GDF5: variants seen among roughly 807,000 people sequenced by gnomAD.
GDF5 encodes growth/differentiation factor 5.
GDF5 carries 17 observed loss-of-function variants against 34.6 expected under a neutral mutation model. That is an observed-to-expected ratio of 0.49 (90% confidence interval 0.34 to 0.74). The LOEUF (loss-of-function observed/expected upper bound fraction) is 0.74. Among genes scored for constraint, GDF5 ranks in the 30% least tolerant of loss-of-function variants. The pLI, the probability that GDF5 is intolerant of heterozygous loss-of-function variation, is 0.01. For missense variants in GDF5, 616 were observed against 661.2 expected, an observed-to-expected ratio of 0.93 and a Z score of 0.75; for synonymous variants, 332 against 290.7, an observed-to-expected ratio of 1.14 and a Z score of -1.44.
chr20:35,437,417 T>C lies in GDF5; in HGVS notation c.512A>G (p.Glu171Gly). The C allele has an allele frequency of 6.2e-7, 1 of 1,613,492 alleles. No homozygotes were observed. Among genetic ancestry groups the C allele is most frequent in the Non-Finnish European group, 8.5e-7 (1 of 1,179,452 alleles). The stretch of plus-strand genomic sequence containing the variant: ...CGTCCTGTACAGCGAGAGCATGTAC[T>C]CGTGGGGTGTGATGGGGGGTGGGCG... ...PFRPPPITPHEYMLSLYRTLS... is the reference protein window; with the variant it reads ...PFRPPPITPHGYMLSLYRTLS... Residue 171 changes from glutamate (E) to glycine (G), a missense_variant, in exon 1 of 2, where the codon GAG becomes GGG. Physicochemically the swap from Glu to Gly is moderately conservative, Grantham distance 98. Coordinates refer to ENST00000374369, the MANE Select transcript of GDF5 (RefSeq NM_000557.5).
intron 1 of GDF5, among the ~76,000 whole-genome samples, chr20:35,451,060 A>G (rs892143955): frequency 4.4e-5 from 3 of 68,936 alleles, no homozygotes; most frequent in African/African-American, 2.2e-4. Context: ...AAAAAAAAAA[A>G]AAAAATATAT....
Position 35,437,836 on chromosome 20 carries a change from C to T in GDF5, c.93G>A (p.Leu31=). The T allele has an allele frequency of 6.2e-7, 1 of 1,613,970 alleles. No homozygotes were observed. Among genetic ancestry groups the T allele is most frequent in the Non-Finnish European group, 8.5e-7 (1 of 1,179,958 alleles). Reference sequence around the variant, plus strand: ...GCCTGGTCCCCTGGGGTCTCTGGCCCAAGTCAGGGGCACCCAACACAGTGC... The same window carrying T: ...GCCTGGTCCCCTGGGGTCTCTGGCCTAAGTCAGGGGCACCCAACACAGTGC... ...FICTVLGAPD[L]GQRPQGTRPG... is the part of the protein sequence containing the mutation. Residue 31 remains leucine, a synonymous_variant, in exon 1 of 2, where the codon TTG becomes TTA. Transcript: ENST00000374369.
Position 35,437,441 on chromosome 20 carries a change from C to A in GDF5, c.488G>T (p.Arg163Leu). The change falls in exon 1 of 2, where the codon CGC becomes CTC. Residue 163 changes from arginine to leucine, a missense_variant. Transcript: ENST00000374369. ...GPPREPKEPFRPPPITPHEYM... is the reference protein window; with the variant it reads ...GPPREPKEPFLPPPITPHEYM... ...CTCGTGGGGTGTGATGGGGGGTGGG[C>A]GAAACGGCTCCTTGGGCTCTCGTGG... 1 of 1,613,940 alleles carries A rather than the reference C, an allele frequency of 6.2e-7. No individual in the cohort carries two copies. Among genetic ancestry groups the A allele is most frequent in the Non-Finnish European group, 8.5e-7 (1 of 1,179,898 alleles).
intron 1 of GDF5, among the ~76,000 whole-genome samples, chr20:35,445,746 G>A (rs1047553120): frequency 1.3e-5 from 2 of 151,824 alleles, no homozygotes; most frequent in African/African-American, 4.8e-5. Flanking sequence ...GAGGCGGGCA[G>A]ATCACCTGAG....
chr20:35,453,813 C>CTA (rs2062548365), intron 1 of GDF5: 1 of 461,692 alleles, frequency 2.2e-6, no homozygotes. Context: ...TTCACTCGAG[C>CTA]TATCCACTCA....
rs560095245 is a variant in GDF5, at chr20:35,435,376, A to G, written c.632-593T>C. The G allele has an allele frequency of 1.9e-4, 27 of 140,386 alleles. No individual in the cohort carries two copies. The South Asian group carries it at 6.1e-3, about 32-fold the overall frequency. 8.7% of individuals were successfully genotyped at this position (140,386 alleles called of 1,614,324 possible). On this transcript the variant is annotated intron_variant, in intron 1 of 1. Transcript: ENST00000374369. ...TGAGGTGGGAGGATTGATTGACCCCAGGGAGGTCAAGGCTTCAGTGAGCCG... is the reference window on the plus strand; with the variant it reads ...TGAGGTGGGAGGATTGATTGACCCCGGGGAGGTCAAGGCTTCAGTGAGCCG...
chr20:35,448,902 G>GA (rs1198433024), intron 1 of GDF5, among the ~76,000 whole-genome samples: 52 of 152,354 alleles, frequency 3.4e-4, no homozygotes, highest in African/African-American at 1.3e-3. Flanking sequence ...CTTAGTGAGT[G>GA]AGAGGGGGCT....
upstream of GDF5, among the ~76,000 whole-genome samples, chr20:35,438,462 CCCAAA>C (rs1337527790): frequency 6.6e-6 from 1 of 151,936 alleles, no homozygotes; most frequent in African/African-American, 2.4e-5. Flanking sequence ...GGAATTCCAA[CCCAAA>C]CCAATTTAAT....
intron 1 of GDF5, among the ~76,000 whole-genome samples, chr20:35,448,486 C>G (rs1240526794): frequency 1.4e-5 from 2 of 145,082 alleles, no homozygotes; most frequent in Non-Finnish European, 3.0e-5. Flanking sequence ...CTCTGTCACC[C>G]AGGCTGGAGT....
chr20:35,451,769 A>G (rs972555656), intron 1 of GDF5, among the ~76,000 whole-genome samples: 3 of 151,952 alleles, frequency 2.0e-5, no homozygotes, highest in Non-Finnish European at 4.4e-5. Flanking sequence ...CCTGGGCCCA[A>G]GTGATCCACC....
chr20:35,439,276 C>T (rs224336), upstream of GDF5, among the ~76,000 whole-genome samples: 20 of 143,018 alleles, frequency 1.4e-4, no homozygotes, highest in African/African-American at 5.3e-5. Context: ...CTCGCTCTGT[C>T]GAGTGCAGTG....
chr20:35,439,685 G>GA (rs1030143921), upstream of GDF5, among the ~76,000 whole-genome samples: 50 of 152,164 alleles, frequency 3.3e-4, no homozygotes, highest in Admixed American at 1.2e-3. Flanking sequence ...GGTCAGCGGG[G>GA]AAAGCTGTTC....
intron 1 of GDF5, among the ~76,000 whole-genome samples, chr20:35,445,533 G>C (rs777264445): frequency 4.0e-5 from 6 of 151,566 alleles, no homozygotes; most frequent in Non-Finnish European, 8.8e-5. Context: ...GCATGGTGGC[G>C]GGCACCTGTA....
At chr20:35,446,315 A>G (rs2062513991) in intron 1 of GDF5, among the ~76,000 whole-genome samples, 1 of 152,196 alleles carries the variant, frequency 6.6e-6, no homozygotes, top group Non-Finnish European at 1.5e-5. Context: ...CGTCTCAAAA[A>G]CAACAACAAA....
At chr20:35,447,395 C>G (rs2062517445) in intron 1 of GDF5, among the ~76,000 whole-genome samples, 1 of 152,180 alleles carries the variant, frequency 6.6e-6, no homozygotes, top group Non-Finnish European at 1.5e-5. Context: ...TGCTGGGATA[C>G]TCGGGAGCTG....
Position 35,433,552 on chromosome 20 carries a change from G to T in GDF5, c.*357C>A, listed in dbSNP as rs181534076. The T allele has an allele frequency of 2.5e-5, 9 of 364,692 alleles. 1 individual carries two copies. Among genetic ancestry groups the T allele is most frequent in the African/African-American group, 8.4e-5 (4 of 47,428 alleles). The allele number at this position is 364,692 out of a possible 1,614,324, so 22.6% of individuals were successfully genotyped here. The stretch of plus-strand genomic sequence containing the variant: ...GTGGCACCTGTGGCTCTCCTGAGAG[G>T]TGCTTAGGAGAGTCCAGAGGCTGAG... On this transcript the variant is annotated 3_prime_UTR_variant, in exon 2 of 2. Coordinates refer to ENST00000374369, the MANE Select transcript of GDF5 (RefSeq NM_000557.5).
upstream of GDF5, among the ~76,000 whole-genome samples, chr20:35,439,428 C>A (rs917824014): frequency 3.8e-4 from 58 of 152,106 alleles, no homozygotes; most frequent in African/African-American, 1.4e-3. Flanking sequence ...GGGGTTTCAC[C>A]ATGTTAGCCA....
chr20:35,451,345 A>T (rs2062532871), intron 1 of GDF5, among the ~76,000 whole-genome samples: 1 of 151,696 alleles, frequency 6.6e-6, no homozygotes, highest in African/African-American at 2.4e-5. Flanking sequence ...CCTGGCAGGG[A>T]CCAGGGTTGA....
intron 1 of GDF5, among the ~76,000 whole-genome samples, chr20:35,449,345 A>G (rs1035737189): frequency 7.2e-5 from 11 of 151,754 alleles, no homozygotes; most frequent in African/African-American, 2.4e-4. Context: ...GCTTGAACAC[A>G]GCTCACTGCA....
Sources: allele counts gnomAD v4.1 joint callset (sites outside exome capture counted in the v4.1 genomes callset), GRCh38; gene constraint gnomAD v4.1.1; transcripts MANE v1.5; gene names NCBI Gene and HGNC (gene_info 2026-07-23, HGNC 2026-07-21).